The following MDM2 variants were observed in gnomAD, a reference collection of about 807,000 sequenced individuals.
MDM2 encodes MDM2 proto-oncogene, also known as E3 ubiquitin-protein ligase Mdm2.
In MDM2, 11 loss-of-function variants were observed where a neutral mutation model predicts 64.3. The ratio of observed to expected loss-of-function variants is 0.17; its 90% CI spans 0.11 to 0.28. MDM2 has a LOEUF of 0.28. MDM2 is among the 10% of genes least tolerant of loss of function. The pLI is 1.00. For synonymous variants in MDM2, 194 were observed against 192.9 expected (o/e 1.01, Z -0.05); for missense variants, 388 against 577.1 (o/e 0.67, Z 3.36).
intron 3 of MDM2, among the ~76,000 whole-genome samples, chr12:68,815,135 G>A (rs749303556): frequency 6.6e-6 from 1 of 152,174 alleles, no homozygotes; most frequent in Non-Finnish European, 1.5e-5. Context: ...AAAGGGCCAG[G>A]TTAAATGGTA....
intron 7 of MDM2, among the ~76,000 whole-genome samples, chr12:68,826,665 GAAA>G (rs1191589424): frequency 7.4e-6 from 1 of 135,338 alleles, no homozygotes; most frequent in African/African-American, 3.2e-5. Flanking sequence ...AAAAAAAAAA[GAAA>G]AGAAAAAAAA....
intron 7 of MDM2, among the ~76,000 whole-genome samples, chr12:68,825,657 G>A (rs376536148): frequency 7.8e-6 from 1 of 128,208 alleles, no homozygotes; most frequent in African/African-American, 5.2e-5. Context: ...CTAAAAAAAA[G>A]AGAGAGAGAG....
At chr12:68,809,001 C>G (rs1880615051) in intron 1 of MDM2, 2 of 1,450,712 alleles carry the variant, frequency 1.4e-6, no homozygotes, top group Non-Finnish European at 1.8e-6. Context: ...CTATTTAAAC[C>G]ATGCATTTTC....
At chr12:68,823,904 C>A (rs1882081037) in intron 5 of MDM2, among the ~76,000 whole-genome samples, 1 of 152,208 alleles carries the variant, frequency 6.6e-6, no homozygotes, top group Admixed American at 6.5e-5. Context: ...ACAGTCTGAA[C>A]CTGCCTACAT....
intron 8 of MDM2, among the ~76,000 whole-genome samples, chr12:68,834,920 A>C (rs1417406761): frequency 6.6e-6 from 1 of 152,196 alleles, no homozygotes; most frequent in Non-Finnish European, 1.5e-5. Context: ...CTAGGTTCTT[A>C]TACAATTTAT....
chr12:68,843,710 T>A lies in MDM2; in HGVS notation c.*3861T>A, dbSNP rs1331285555. On this transcript the variant is annotated 3_prime_UTR_variant, in exon 11 of 11. Transcript: ENST00000258149. ...TTGTTGCTTCAAAACTCTCTCTCTCTCTCTCTGTCTGTCTCAATAAATGGC... is the reference window on the plus strand; with the variant it reads ...TTGTTGCTTCAAAACTCTCTCTCTCACTCTCTGTCTGTCTCAATAAATGGC... 4.4e-6 allele frequency: 1 copy of A among 224,720 alleles called. No homozygotes were observed. The highest frequency in any genetic ancestry group is 2.2e-5 in the African/African-American group (1 of 44,668). 13.9% of individuals were successfully genotyped at this position (224,720 alleles called of 1,614,324 possible). A position where few individuals can be genotyped will look rare whatever the true frequency, so the allele number is the denominator to read the frequency against.
At chr12:68,845,657 C>G (rs926026257), downstream of MDM2, 2 of 174,896 alleles carry the variant, frequency 1.1e-5, no homozygotes, top group African/African-American at 2.4e-5. Flanking sequence ...TTCAGTCCTA[C>G]AATCCCACAT....
intron 7 of MDM2, among the ~76,000 whole-genome samples, chr12:68,824,957 C>T (rs1665084932): frequency 6.6e-6 from 1 of 152,174 alleles, no homozygotes; most frequent in African/African-American, 2.4e-5. Context: ...GCCTGTAATC[C>T]CGGCACTTTG....
At chr12:68,837,772 T>C (rs1434079736) in intron 10 of MDM2, among the ~76,000 whole-genome samples, 1 of 152,212 alleles carries the variant, frequency 6.6e-6, no homozygotes, top group Non-Finnish European at 1.5e-5. Flanking sequence ...TCCTGAGGTA[T>C]TATAGGTTTT....
chr12:68,825,375 C>T (rs1273674038), intron 7 of MDM2, among the ~76,000 whole-genome samples: 7 of 151,252 alleles, frequency 4.6e-5, no homozygotes, highest in African/African-American at 9.7e-5. Context: ...AGATAAGGGC[C>T]GGGCGCAGTG....
chr12:68,833,286 AATAT>A (rs1198819976), intron 8 of MDM2, among the ~76,000 whole-genome samples: 3,779 of 83,994 alleles, frequency 0.045, 461 homozygotes, highest in African/African-American at 0.064. Flanking sequence ...TATAAATATA[AATAT>A]ATATATTTAT....
chr12:68,821,116 C>T (rs577183596), intron 5 of MDM2, among the ~76,000 whole-genome samples: 188 of 140,624 alleles, frequency 1.3e-3, no homozygotes, highest in Non-Finnish European at 2.1e-3. Flanking sequence ...GGCATGATTT[C>T]GACTCACTGC....
At position 68,839,473 on chromosome 12, in the gene MDM2, T is replaced by C; in HGVS notation, c.1118T>C (p.Val373Ala). The change falls in exon 11 of 11, where the codon GTG (valine) becomes GCG (alanine). Residue 373 changes from valine to alanine, a missense_variant. Transcript: ENST00000258149. ...GTTCCTGATTGTAAAAAAACTATAG[T>C]GAATGATTCCAGAGAGTCATGTGTT... ...FDVPDCKKTI[V>A]NDSRESCVEE... is the part of the protein sequence containing the mutation. 1 of 1,613,886 alleles carries C rather than the reference T, an allele frequency of 6.2e-7. No individual in the cohort carries two copies. Among genetic ancestry groups the C allele is most frequent in the Non-Finnish European group, 8.5e-7 (1 of 1,179,996 alleles).
intron 8 of MDM2, among the ~76,000 whole-genome samples, chr12:68,830,746 G>A (rs1044904185): frequency 6.6e-6 from 1 of 152,062 alleles, no homozygotes; most frequent in Admixed American, 6.5e-5. Context: ...TGTCTCCCAG[G>A]CTGGAGTGCA....
downstream of MDM2, chr12:68,847,452 C>CTTTTTTTTTTTTTTTTTTTTTTTT (rs772905678): frequency 4.5e-5 from 4 of 88,694 alleles, 1 homozygote; most frequent in Admixed American, 1.4e-4. Flanking sequence ...TATCTCCTTT[C>CTTTTTTTTTTTTTTTTTTTTTTTT]TTTTTTTTTT....
chr12:68,826,436 G>T (rs1295468143), intron 7 of MDM2, among the ~76,000 whole-genome samples: 2 of 151,878 alleles, frequency 1.3e-5, no homozygotes, highest in African/African-American at 2.4e-5. Context: ...ATCTCTTGAG[G>T]TTAAGAGTTC....
intron 7 of MDM2, 142 bp downstream of exon 7, chr12:68,824,793 TTTTA>T: frequency 6.5e-6 from 4 of 612,762 alleles, no homozygotes; most frequent in South Asian, 2.1e-5. Context: ...TCATTCGTGA[TTTTA>T]TTTGATTTAC....
chr12:68,812,661 G>A (rs566483560), intron 2 of MDM2, among the ~76,000 whole-genome samples: 1 of 152,194 alleles, frequency 6.6e-6, no homozygotes, highest in East Asian at 1.9e-4. Flanking sequence ...TGTGGCCCAG[G>A]CTGGTCTTGA....
intron 5 of MDM2, 47 bp from the exon 6 acceptor site, chr12:68,824,316 G>GC (rs1375455517): frequency 8.7e-6 from 9 of 1,030,148 alleles, no homozygotes; most frequent in South Asian, 1.3e-5. Flanking sequence ...GCGCCCCGCC[G>GC]CCCCCCGCCC....
Sources: gnomAD v4.1 joint callset for allele counts (sites outside exome capture counted in the v4.1 genomes callset) on GRCh38, gnomAD v4.1.1 for gene constraint, MANE v1.5 for transcripts, NCBI Gene and HGNC (gene_info 2026-07-23, HGNC 2026-07-21) for gene names.